Variants in SARDH observed in about 807,000 individuals in gnomAD.
SARDH encodes sarcosine dehydrogenase, mitochondrial.
Under a neutral mutation model 109.1 loss-of-function variants are expected in SARDH, and 95 were observed. The ratio of observed to expected loss-of-function variants is 0.87; its 90% CI spans 0.74 to 1.03. SARDH has a LOEUF of 1.03. Among genes scored for constraint, SARDH ranks in the 50% least tolerant of loss-of-function variants. The pLI, the probability that SARDH is intolerant of heterozygous loss-of-function variation, is 0.00. For missense variants in SARDH, 1,267 were observed against 1,287.8 expected (o/e 0.98, Z 0.25); for synonymous variants, 572 against 534.8 (o/e 1.07, Z -0.96).
Position 133,731,403 on chromosome 9 carries a change from C to T in SARDH, c.592G>A (p.Asp198Asn). The change falls in exon 4 of 21, where the codon GAC (aspartate) becomes AAC (asparagine). Residue 198 changes from aspartate to asparagine, a missense_variant. Transcript: ENST00000439388. ...GGCACATACAGGGTCCCGTAGAGGT[C>T]GTCCACATTCATCAGCGGGTACAGA... The part of the protein sequence containing the change: ...KTLYPLMNVD[D>N]LYGTLYVPHD... 1 of 1,614,176 alleles carries T rather than the reference C, an allele frequency of 6.2e-7. No individual in the cohort carries two copies. The highest frequency in any genetic ancestry group is 1.1e-5 in the South Asian group (1 of 91,076).
intron 11 of SARDH, among the ~76,000 whole-genome samples, chr9:133,707,783 A>T (rs1831748018): frequency 6.6e-6 from 1 of 151,980 alleles, no homozygotes; most frequent in East Asian, 1.9e-4. Context: ...GGACCAGGGG[A>T]GGGCACAGGG....
chr9:133,702,658 C>A (rs1056645123), intron 13 of SARDH, among the ~76,000 whole-genome samples: 5 of 152,232 alleles, frequency 3.3e-5, no homozygotes, highest in African/African-American at 1.2e-4. Flanking sequence ...CCTCCGCCCC[C>A]ACCTCACCCC....
intron 17 of SARDH, among the ~76,000 whole-genome samples, chr9:133,678,340 T>G (rs1411906836): frequency 6.6e-6 from 1 of 152,150 alleles, no homozygotes; most frequent in South Asian, 2.1e-4. Flanking sequence ...AGGCCTCTGG[T>G]GCAGCCCAAA....
At chr9:133,726,380 T>TAAC (rs1170835937) in intron 6 of SARDH, among the ~76,000 whole-genome samples, 1 of 143,154 alleles carries the variant, frequency 7.0e-6, no homozygotes, top group East Asian at 2.0e-4. Flanking sequence ...ATAATAATAA[T>TAAC]AATAATAATA....
At position 133,704,807 on chromosome 9, in the gene SARDH, G is replaced by A. The variant is rs937347494; in HGVS notation, c.1554+141C>T. On this transcript the variant is annotated intron_variant, in intron 12 of 20. Transcript: ENST00000439388. The surrounding 1 kb of genome is among the most constrained non-coding windows in gnomAD (Gnocchi z 4.5). ...GCAGGTCGGCAGGGCTCGGCTTCCC[G>A]TGTGCAGAATAACTGATCACGACAG... 12 of 692,582 alleles carry A rather than the reference G, an allele frequency of 1.7e-5. No individual in the cohort carries two copies. The highest frequency in any genetic ancestry group is 2.7e-5 in the Non-Finnish European group (11 of 401,396). 42.9% of individuals were successfully genotyped at this position (692,582 alleles called of 1,614,324 possible).
Position 133,663,867 on chromosome 9 carries a change from A to G in SARDH, c.*22T>C. The G allele has an allele frequency of 6.2e-7, 1 of 1,613,418 alleles. No homozygotes were observed. Among genetic ancestry groups the G allele is most frequent in the South Asian group, 1.1e-5 (1 of 90,950 alleles). On this transcript the variant is annotated 3_prime_UTR_variant, in exon 21 of 21. Coordinates refer to ENST00000439388, the MANE Select transcript of SARDH (RefSeq NM_001134707.2). ...TGTGAGAATGGATGGACAGCATGGGATGGGGCATGTGGTCTGAGCCCTCAG... is the reference window on the plus strand; with the variant it reads ...TGTGAGAATGGATGGACAGCATGGGGTGGGGCATGTGGTCTGAGCCCTCAG...
At chr9:133,687,234 G>A (rs116421812) in intron 16 of SARDH, among the ~76,000 whole-genome samples, 2,985 of 152,280 alleles carry the variant, frequency 0.02, 89 homozygotes, top group African/African-American at 0.067. Context: ...GCACGACACC[G>A]TCTCTCCCAG....
chr9:133,697,846 G>T (rs1021397381), intron 13 of SARDH, among the ~76,000 whole-genome samples: 1 of 151,746 alleles, frequency 6.6e-6, no homozygotes, highest in Non-Finnish European at 1.5e-5. Flanking sequence ...AAGACAGGGG[G>T]GTCCATTCTT....
rs769737160 is a variant in SARDH, at chr9:133,717,323, C to T, written c.1150+3G>A. 25 of 1,613,906 alleles carry T rather than the reference C, an allele frequency of 1.5e-5. No individual in the cohort carries two copies. In the South Asian group the frequency reaches 2.3e-4, roughly 15 times the overall value. ...CCACCCCAGCTCCGAGGCTGTCACT[C>T]ACCAGGGCCGCAGACCGTGGACTTG... On this transcript the variant is annotated splice_donor_region_variant and intron_variant, in intron 8 of 20. Transcript: ENST00000439388.
intron 3 of SARDH, 47 bp from the exon 4 acceptor site, chr9:133,731,531 C>T: frequency 6.3e-7 from 1 of 1,582,828 alleles, no homozygotes; most frequent in Non-Finnish European, 8.6e-7. Flanking sequence ...GGAGCAGACC[C>T]CTGGGCCACT....
chr9:133,726,931 G>A (rs1289975304), intron 6 of SARDH, among the ~76,000 whole-genome samples: 3 of 152,122 alleles, frequency 2.0e-5, no homozygotes, highest in African/African-American at 7.2e-5. Flanking sequence ...AGCACAGCCT[G>A]AGGCAGTAGG....
chr9:133,662,207 G>A (rs773927907), downstream of SARDH, among the ~76,000 whole-genome samples: 47 of 152,218 alleles, frequency 3.1e-4, no homozygotes, highest in Admixed American at 7.2e-4. The surrounding 1 kb of genome is among the most constrained non-coding windows in gnomAD (Gnocchi z 5.1). Context: ...CTCTCTCCTC[G>A]GGACAGGGTG....
intron 17 of SARDH, among the ~76,000 whole-genome samples, chr9:133,683,680 G>A (rs1187372245): frequency 6.6e-6 from 1 of 152,196 alleles, no homozygotes; most frequent in African/African-American, 2.4e-5. Context: ...GAGCCGCTGG[G>A]ATCTCCCTAG....
chr9:133,683,753 T>A (rs1373293134), intron 17 of SARDH, among the ~76,000 whole-genome samples: 2 of 152,160 alleles, frequency 1.3e-5, no homozygotes, highest in Admixed American at 6.5e-5. Flanking sequence ...AGAACCCAGA[T>A]TTGTCCCCCA....
intron 12 of SARDH, 115 bp from the exon 13 acceptor site, chr9:133,703,144 G>A (rs950036883): frequency 8.9e-6 from 8 of 895,378 alleles, no homozygotes; most frequent in Non-Finnish European, 1.4e-5. Flanking sequence ...TGCCCTCGGA[G>A]AGCCCTGCAC....
Position 133,728,191 on chromosome 9 carries a change from G to A in SARDH, c.915+1574C>T, listed in dbSNP as rs562136525. Among the ~76,000 whole-genome samples the A allele has an allele frequency of 7.2e-5, 11 of 152,302 alleles. No individual in the cohort carries two copies. Among genetic ancestry groups the A allele is most frequent in the African/African-American group, 2.6e-4 (11 of 41,562 alleles). On this transcript the variant is annotated intron_variant, in intron 6 of 20. Transcript: ENST00000439388. This position sits in a 1 kb window ranked among gnomAD's most constrained non-coding sequence, Gnocchi z 5.0. ...GAGGTCTTGTGTCCAGTGGGGCGTG[G>A]CTTGCCCAGCGCACAGGAGTCAGAG...
Position 133,693,211 on chromosome 9 carries a change from GGC to G in SARDH, c.1921+1045_1921+1046del, listed in dbSNP as rs1831164836. On this transcript the variant is annotated intron_variant, in intron 15 of 20. Coordinates refer to ENST00000439388, the MANE Select transcript of SARDH (RefSeq NM_001134707.2). This position sits in a 1 kb window ranked among gnomAD's most constrained non-coding sequence, Gnocchi z 5.6. Reference sequence around the variant, plus strand: ...ACATGGGCCAGAACCTCCTGTGTTTGGCTCACTGTTGGGTCCTCCGTGCCTCA... The same window carrying G: ...ACATGGGCCAGAACCTCCTGTGTTTGTCACTGTTGGGTCCTCCGTGCCTCA... Among the ~76,000 whole-genome samples, 1 of 152,058 alleles carries G rather than the reference GGC, an allele frequency of 6.6e-6. No homozygotes were observed. Among genetic ancestry groups the G allele is most frequent in the African/African-American group, 2.4e-5 (1 of 41,384 alleles).
chr9:133,717,698 T>A (rs113630982), intron 7 of SARDH, among the ~76,000 whole-genome samples: 1,569 of 132,988 alleles, frequency 0.012, 25 homozygotes, highest in African/African-American at 0.041. Context: ...GATCCCACCA[T>A]GCCCCTTCCC....
At chr9:133,689,236 A>G (rs1176176634) in intron 16 of SARDH, among the ~76,000 whole-genome samples, 1 of 104,242 alleles carries the variant, frequency 9.6e-6, no homozygotes. Flanking sequence ...CGAAGCTGCC[A>G]CCATCATTTT....
Sources: gnomAD v4.1 joint callset for allele counts (sites outside exome capture counted in the v4.1 genomes callset) on GRCh38, gnomAD v4.1.1 for gene constraint, Gnocchi (gnomAD v3.1) non-coding constraint, MANE v1.5 for transcripts, NCBI Gene and HGNC (gene_info 2026-07-23, HGNC 2026-07-21) for gene names.